Variants in DNAH14 observed in about 807,000 individuals in gnomAD.
DNAH14 encodes the protein axonemal beta dynein heavy chain 14.
In DNAH14, 478 loss-of-function variants were observed where a neutral mutation model predicts 520.9. That is an observed-to-expected ratio of 0.92 (90% CI 0.85 to 0.99). The LOEUF (loss-of-function observed/expected upper bound fraction) is 0.99. DNAH14 is among the 50% of genes least tolerant of loss of function. The pLI is 0.00. For synonymous variants in DNAH14, 1,581 were observed against 1,757.2 expected, an observed-to-expected ratio of 0.90 and a Z score of 2.51; for missense variants, 4,831 against 5,234.5, an observed-to-expected ratio of 0.92 and a Z score of 2.38.
At chr1:225,264,297 G>T (rs1295775955) in intron 47 of DNAH14, 36 bp downstream of exon 47, 18 of 1,453,424 alleles carry the variant, frequency 1.2e-5, no homozygotes, top group Non-Finnish European at 1.7e-5. Context: ...GCTATGCTAT[G>T]TTTCAAAACT....
chr1:225,043,778 C>T lies in DNAH14; in HGVS notation c.1803C>T (p.Tyr601=). The T allele has an allele frequency of 6.8e-7, 1 of 1,467,154 alleles. No individual in the cohort carries two copies. The highest frequency in any genetic ancestry group is 1.2e-5 in the South Asian group (1 of 81,296). 90.9% of individuals were successfully genotyped at this position (1,467,154 alleles called of 1,614,324 possible). A position where few individuals can be genotyped will look rare whatever the true frequency, so the allele number is the denominator to read the frequency against. ...TEIETEFENK[Y]MYYEFPEFPT... ...TTGAGACTGAGTTTGAGAATAAATA[C>T]ATGTATTATGAGTAAGTATTAGACA... The change falls in exon 14 of 86, where the codon TAC becomes TAT. Residue 601 remains tyrosine (Y), a synonymous_variant. Coordinates refer to ENST00000682510, the MANE Select transcript of DNAH14 (RefSeq NM_001367479.1).
intron 23 of DNAH14, among the ~76,000 whole-genome samples, chr1:225,101,207 A>T (rs530972843): frequency 1.2e-3 from 184 of 151,676 alleles, no homozygotes; most frequent in Middle Eastern, 3.4e-3. Context: ...ATACTTTTTT[A>T]AAATATTGTT....
intron 61 of DNAH14, among the ~76,000 whole-genome samples, chr1:225,320,216 C>A (rs2094534799): frequency 6.6e-6 from 1 of 152,178 alleles, no homozygotes; most frequent in Admixed American, 6.5e-5. Context: ...TGTATAAGCT[C>A]TCTGTGCCTG....
chr1:224,960,279 G>A lies in DNAH14; in HGVS notation c.344G>A (p.Arg115Lys). The change falls in exon 4 of 86, where the codon AGG becomes AAG. Residue 115 changes from arginine to lysine, a missense_variant. Arg to Lys is a conservative substitution (Grantham distance 26, BLOSUM62 2). Transcript: ENST00000682510. ...THACPNVRKA[R>K]PVSYDRTEPK... ...GCTTGTCCAAATGTTAGGAAAGCCA[G>A]GCCTGTGTCCTATGATAGAACAGGT... 1 of 1,608,252 alleles carries A rather than the reference G, an allele frequency of 6.2e-7. No individual in the cohort carries two copies. Among genetic ancestry groups the A allele is most frequent in the African/African-American group, 1.3e-5 (1 of 74,754 alleles).
chr1:224,954,157 GA>G (rs1315001269), intron 2 of DNAH14, among the ~76,000 whole-genome samples: 1 of 151,910 alleles, frequency 6.6e-6, no homozygotes, highest in Non-Finnish European at 1.5e-5. Flanking sequence ...TAATGAAGGG[GA>G]AAATTTTCAA....
At chr1:224,934,517 G>A (rs921535887) in intron 1 of DNAH14, among the ~76,000 whole-genome samples, 3 of 151,802 alleles carry the variant, frequency 2.0e-5, no homozygotes, top group Admixed American at 1.3e-4. Context: ...AAAAGAATGA[G>A]CAAAGTCTTC....
intron 17 of DNAH14, among the ~76,000 whole-genome samples, chr1:225,054,455 T>G (rs1372529795): frequency 6.6e-6 from 1 of 152,128 alleles, no homozygotes; most frequent in African/African-American, 2.4e-5. Flanking sequence ...GAGGAAAAAT[T>G]AAGTTATTTC....
chr1:225,111,466 T>C (rs1161447844), intron 23 of DNAH14, among the ~76,000 whole-genome samples: 1 of 152,150 alleles, frequency 6.6e-6, no homozygotes, highest in African/African-American at 2.4e-5. Flanking sequence ...TCTTTTTTGG[T>C]TTCCATTTGC....
intron 55 of DNAH14, among the ~76,000 whole-genome samples, chr1:225,297,875 TG>T (rs1270115077): frequency 6.6e-6 from 1 of 152,136 alleles, no homozygotes; most frequent in Admixed American, 6.5e-5. Flanking sequence ...CTGCCAGAGT[TG>T]CCCACTGGGT....
At chr1:225,041,228 A>T (rs529883584) in intron 12 of DNAH14, among the ~76,000 whole-genome samples, 11 of 152,270 alleles carry the variant, frequency 7.2e-5, no homozygotes, top group Admixed American at 2.0e-4. Context: ...TTTTTACTGT[A>T]CAGAGCTCAA....
chr1:225,062,313 A>G (rs1017166896), intron 17 of DNAH14, among the ~76,000 whole-genome samples: 1 of 152,044 alleles, frequency 6.6e-6, no homozygotes, highest in Non-Finnish European at 1.5e-5. Context: ...AGAGAGAGAG[A>G]GAGAGAAAGA....
intron 38 of DNAH14, among the ~76,000 whole-genome samples, chr1:225,201,706 G>C (rs1354272701): frequency 6.6e-6 from 1 of 152,074 alleles, no homozygotes; most frequent in Non-Finnish European, 1.5e-5. Context: ...ACAGAGTCCT[G>C]TGTTGTGAAC....
At chr1:225,179,217 G>T (rs554550174) in intron 36 of DNAH14, among the ~76,000 whole-genome samples, 1 of 152,158 alleles carries the variant, frequency 6.6e-6, no homozygotes, top group South Asian at 2.1e-4. Context: ...TTACATTTGA[G>T]GTTATTATTG....
At chr1:225,066,800 C>T (rs34747935) in intron 17 of DNAH14, among the ~76,000 whole-genome samples, 24,658 of 152,062 alleles carry the variant, frequency 0.16, 2,568 homozygotes, top group Non-Finnish European at 0.23. Context: ...CCTCCAGTTC[C>T]ATCCAAGTTT....
intron 69 of DNAH14, among the ~76,000 whole-genome samples, chr1:225,343,864 T>C (rs1002582380): frequency 6.6e-6 from 1 of 152,140 alleles, no homozygotes; most frequent in South Asian, 2.1e-4. Flanking sequence ...ATAATATACA[T>C]AGAAGGTGAC....
At chr1:225,195,628 C>A (rs2086036395) in intron 38 of DNAH14, among the ~76,000 whole-genome samples, 1 of 149,844 alleles carries the variant, frequency 6.7e-6, no homozygotes, top group South Asian at 2.1e-4. Flanking sequence ...CAACCCTGCA[C>A]ATATACCCCT....
intron 42 of DNAH14, among the ~76,000 whole-genome samples, chr1:225,235,410 A>T (rs2091502820): frequency 6.6e-6 from 1 of 152,108 alleles, no homozygotes; most frequent in African/African-American, 2.4e-5. Flanking sequence ...TATGGTGGAT[A>T]AGCTTTTTGA....
intron 2 of DNAH14, among the ~76,000 whole-genome samples, chr1:224,953,472 G>T (rs1414170738): frequency 6.6e-6 from 1 of 152,036 alleles, no homozygotes; most frequent in Non-Finnish European, 1.5e-5. Flanking sequence ...AATTTATATA[G>T]AAGAGCAAAG....
chr1:225,125,976 G>A (rs10915784), intron 27 of DNAH14, among the ~76,000 whole-genome samples: 20,366 of 152,074 alleles, frequency 0.13, 2,438 homozygotes, highest in African/African-American at 0.29. Flanking sequence ...TAGGGAGACC[G>A]AAGAAGAAGG....
Sources: allele counts gnomAD v4.1 joint callset (sites outside exome capture counted in the v4.1 genomes callset), GRCh38; gene constraint gnomAD v4.1.1; transcripts MANE v1.5; gene names NCBI Gene and HGNC (gene_info 2026-07-23, HGNC 2026-07-21).